SPTBN1: variants seen among roughly 807,000 people sequenced by gnomAD.
SPTBN1 encodes the protein spectrin beta, non-erythrocytic 1, also known as spectrin beta chain, non-erythrocytic 1.
SPTBN1 carries 32 observed loss-of-function variants against 266.4 expected under a neutral mutation model. The ratio of observed to expected loss-of-function variants is 0.12; its 90% CI spans 0.09 to 0.16. SPTBN1 has a LOEUF of 0.16. Ranked by LOEUF, SPTBN1 falls within the 10% of genes least tolerant of loss-of-function variation. SPTBN1 has a pLI of 1.00. For synonymous variants in SPTBN1, 1,336 were observed against 1,162.2 expected, an observed-to-expected ratio of 1.15 and a Z score of -3.04; for missense variants, 2,296 against 3,067.1, an observed-to-expected ratio of 0.75 and a Z score of 5.94.
intron 2 of SPTBN1, among the ~76,000 whole-genome samples, chr2:54,562,723 T>TGG (rs1673395639): frequency 6.7e-6 from 1 of 150,270 alleles, no homozygotes; most frequent in Admixed American, 6.6e-5. Flanking sequence ...TGTGTGTGTG[T>TGG]GTGTGTGTGT....
chr2:54,483,006 G>A (rs1414559947), intron 1 of SPTBN1, among the ~76,000 whole-genome samples: 1 of 152,238 alleles, frequency 6.6e-6, no homozygotes, highest in African/African-American at 2.4e-5. Context: ...GGGGTGTGGT[G>A]AGGACTGGGG....
In SPTBN1 at chr2:54,623,519, A is replaced by G; in HGVS notation, c.1105A>G (p.Ile369Val). The stretch of plus-strand genomic sequence containing the variant: ...GAACTTGGAAGTGCTGCTCTTCACC[A>G]TTCAGAGCAAGATGAGGGCCAACAA... ...KGNLEVLLFT[I>V]QSKMRANNQK... The change falls in exon 10 of 36, where the codon ATT becomes GTT. Residue 369 changes from isoleucine (I) to valine (V), a missense_variant. Ile to Val is a conservative substitution (Grantham distance 29). Coordinates refer to ENST00000356805, the MANE Select transcript of SPTBN1 (RefSeq NM_003128.3). 4 of 1,614,192 alleles carry G rather than the reference A, an allele frequency of 2.5e-6. No individual in the cohort carries two copies. Among genetic ancestry groups the G allele is most frequent in the Non-Finnish European group, 3.4e-6 (4 of 1,180,016 alleles).
At chr2:54,612,861 A>C (rs1291469046) in intron 4 of SPTBN1, among the ~76,000 whole-genome samples, 5 of 151,704 alleles carry the variant, frequency 3.3e-5, no homozygotes, top group Non-Finnish European at 5.9e-5. Flanking sequence ...AAAGTACAAA[A>C]CTCTTGTGTT....
intron 3 of SPTBN1, among the ~76,000 whole-genome samples, chr2:54,609,493 T>C (rs1462726648): frequency 6.6e-6 from 1 of 152,236 alleles, no homozygotes; most frequent in Non-Finnish European, 1.5e-5. Flanking sequence ...TGATGGCATC[T>C]TCAGTGGTGT....
At position 54,612,262 on chromosome 2, in the gene SPTBN1, G is replaced by A. The variant is rs765480147; in HGVS notation, c.402G>A (p.Gly134=). 2 of 1,614,088 alleles carry A rather than the reference G, an allele frequency of 1.2e-6. No individual in the cohort carries two copies. Among genetic ancestry groups the A allele is most frequent in the South Asian group, 2.2e-5 (2 of 91,074 alleles). Residue 134 remains glycine (G), a synonymous_variant, in exon 4 of 36, where the codon GGG becomes GGA. Transcript: ENST00000356805. ...KEQRVHLENM[G]SHDIVDGNHR... ...AGAGAGTCCATCTTGAGAACATGGG[G>A]TCCCATGACATCGTGGATGGAAACC...
intron 2 of SPTBN1, among the ~76,000 whole-genome samples, chr2:54,576,160 T>C (rs1016369588): frequency 6.7e-6 from 1 of 149,728 alleles, no homozygotes; most frequent in South Asian, 2.1e-4. Context: ...GTTCAAGCGT[T>C]TCTCCTGCCT....
intron 18 of SPTBN1, 110 bp downstream of exon 18, chr2:54,637,913 A>G (rs1679259167): frequency 2.2e-6 from 2 of 902,504 alleles, no homozygotes; most frequent in East Asian, 2.7e-5. Flanking sequence ...CCAGAAATCC[A>G]TAGCACCCAT....
rs1320889120 is a variant in SPTBN1, at chr2:54,664,222, TA to T, written c.6421-230del. ...GAGGAATAGAGTGCAGTAAAACTCATACTGGCATTTCGCTTTTCTCATTTCC... is the reference window on the plus strand; with the variant it reads ...GAGGAATAGAGTGCAGTAAAACTCATCTGGCATTTCGCTTTTCTCATTTCC... On this transcript the variant is annotated intron_variant, in intron 32 of 35. Coordinates refer to ENST00000356805, the MANE Select transcript of SPTBN1 (RefSeq NM_003128.3). This position sits in a 1 kb window ranked among gnomAD's most constrained non-coding sequence, Gnocchi z 5.6. 1.9e-5 allele frequency: 10 copies of T among 517,088 alleles called. No homozygotes were observed. In the East Asian group the frequency reaches 3.0e-4, roughly 16 times the overall value. 32.0% of individuals were successfully genotyped at this position (517,088 alleles called of 1,614,324 possible). A position where few individuals can be genotyped will look rare whatever the true frequency, so the allele number is the denominator to read the frequency against.
At chr2:54,480,732 A>G (rs1422835798) in intron 1 of SPTBN1, among the ~76,000 whole-genome samples, 2 of 152,220 alleles carry the variant, frequency 1.3e-5, no homozygotes, top group East Asian at 1.9e-4. Context: ...ACAAAGGCCA[A>G]GATGAAAAAG....
At chr2:54,595,768 G>A (rs1190460535) in intron 2 of SPTBN1, among the ~76,000 whole-genome samples, 1 of 152,138 alleles carries the variant, frequency 6.6e-6, no homozygotes, top group African/African-American at 2.4e-5. Context: ...CTGATATTTT[G>A]GGCCAGATAA....
At position 54,631,126 on chromosome 2, in the gene SPTBN1, C is replaced by G; in HGVS notation, c.3079C>G (p.Pro1027Ala). Residue 1027 changes from proline (P) to alanine (A), a missense_variant, in exon 16 of 36, where the codon CCC becomes GCC. Coordinates refer to ENST00000356805, the MANE Select transcript of SPTBN1 (RefSeq NM_003128.3). ...KEAEKLESEH[P>A]DQAQAILSRL... ...GGCGGAGAAGCTGGAGTCCGAGCACCCCGACCAGGCCCAGGCCATCCTGTC... is the reference window on the plus strand; with the variant it reads ...GGCGGAGAAGCTGGAGTCCGAGCACGCCGACCAGGCCCAGGCCATCCTGTC... 1 of 1,614,180 alleles carries G rather than the reference C, an allele frequency of 6.2e-7. No homozygotes were observed. The highest frequency in any genetic ancestry group is 8.5e-7 in the Non-Finnish European group (1 of 1,180,042).
At chr2:54,613,616 A>G (rs1677377297) in intron 4 of SPTBN1, among the ~76,000 whole-genome samples, 2 of 152,236 alleles carry the variant, frequency 1.3e-5, no homozygotes, top group South Asian at 2.1e-4. Context: ...GCCCAGCCCT[A>G]GTAGTTCTGA....
rs1237443421 is a variant in SPTBN1 at position 54,659,937 on chromosome 2, G to C, written c.6358G>C (p.Asp2120His). 3 of 1,613,772 alleles carry C rather than the reference G, an allele frequency of 1.9e-6. No homozygotes were observed. Among genetic ancestry groups the C allele is most frequent in the Non-Finnish European group, 2.5e-6 (3 of 1,179,878 alleles). ...SEEAESQQQW[D>H]TSKGEQVSQN... The stretch of plus-strand genomic sequence containing the variant: ...TCCTTTTCCCCTCTTCCCTAACAGG[G>C]ATACTTCAAAAGGAGAACAAGTTTC... The change falls in exon 32 of 36, where the codon GAT (aspartate) becomes CAT (histidine). Residue 2120 changes from aspartate (D) to histidine (H), a missense_variant and splice_region_variant. Physicochemically the swap from Asp to His is moderately conservative, Grantham distance 81. This residue lies in a region of SPTBN1 where 347 missense variants were observed against 368.5 expected (regional missense o/e 0.94). Transcript: ENST00000356805.
intron 2 of SPTBN1, among the ~76,000 whole-genome samples, chr2:54,574,509 C>A (rs955385438): frequency 3.3e-5 from 5 of 152,216 alleles, no homozygotes; most frequent in African/African-American, 7.2e-5. Flanking sequence ...GCATCCTCCC[C>A]TCAGAGTGAT....
chr2:54,488,338 C>A (rs1009034664), intron 1 of SPTBN1, among the ~76,000 whole-genome samples: 3 of 152,118 alleles, frequency 2.0e-5, no homozygotes, highest in African/African-American at 7.2e-5. Context: ...AGACCAAGGA[C>A]CTTTCGGAGG....
chr2:54,670,728 A>G lies in SPTBN1; in HGVS notation c.*2159A>G, dbSNP rs1572796607. 1.3e-5 allele frequency: 5 copies of G among 398,660 alleles called. No individual in the cohort carries two copies. In the East Asian group the frequency reaches 1.4e-4, roughly 11 times the overall value. The allele number at this position is 398,660 out of a possible 1,614,324, so 24.7% of individuals were successfully genotyped here. ...AATACGTACATGTGGAACATCGTGC[A>G]CATAATTTCAACAGTTCGCAGATCT... On this transcript the variant is annotated 3_prime_UTR_variant, in exon 36 of 36. Coordinates refer to ENST00000356805, the MANE Select transcript of SPTBN1 (RefSeq NM_003128.3).
intron 2 of SPTBN1, among the ~76,000 whole-genome samples, chr2:54,557,519 TG>T (rs1232447283): frequency 1.3e-5 from 2 of 152,124 alleles, no homozygotes; most frequent in East Asian, 3.8e-4. Flanking sequence ...GAGAAGAAGC[TG>T]GGAAGGAGAG....
chr2:54,500,218 T>C (rs1326610367), intron 1 of SPTBN1, among the ~76,000 whole-genome samples: 1 of 152,216 alleles, frequency 6.6e-6, no homozygotes, highest in East Asian at 1.9e-4. Context: ...CATTTTATTG[T>C]AAGACTCATG....
chr2:54,468,135 T>C (rs1046874617), intron 1 of SPTBN1, among the ~76,000 whole-genome samples: 8 of 151,952 alleles, frequency 5.3e-5, no homozygotes, highest in African/African-American at 1.9e-4. Context: ...AGTGAAACTT[T>C]GTCTCTACTA....
Sources: gnomAD v4.1 joint callset for allele counts (sites outside exome capture counted in the v4.1 genomes callset) on GRCh38, gnomAD v4.1.1 for gene constraint, gnomAD v4.1.1 regional missense constraint, Gnocchi (gnomAD v3.1) non-coding constraint, MANE v1.5 for transcripts, NCBI Gene and HGNC (gene_info 2026-07-23, HGNC 2026-07-21) for gene names.